The following GREB1 variants were observed in gnomAD, a reference collection of about 807,000 sequenced individuals.
The protein encoded by GREB1 is growth regulating estrogen receptor binding 1.
GREB1 carries 106 observed loss-of-function variants against 200.7 expected under a neutral mutation model. The observed-to-expected ratio is 0.53, with a 90% CI of 0.45 to 0.62. GREB1 has a LOEUF of 0.62. Ranked by LOEUF, GREB1 falls within the 20% of genes least tolerant of loss-of-function variation. The pLI is 0.00. For missense variants in GREB1, 2,243 were observed against 2,556.8 expected (o/e 0.88, Z 2.65); for synonymous variants, 1,132 against 1,092.4 (o/e 1.04, Z -0.72).
intron 1 of GREB1, among the ~76,000 whole-genome samples, chr2:11,490,627 C>G (rs1198369136): frequency 6.6e-6 from 1 of 152,216 alleles, no homozygotes; most frequent in East Asian, 1.9e-4. Context: ...CAGCTCACTG[C>G]AACCTCTGCC....
At chr2:11,569,696 A>C (rs1378263182) in intron 4 of GREB1, among the ~76,000 whole-genome samples, 1 of 152,250 alleles carries the variant, frequency 6.6e-6, no homozygotes, top group East Asian at 1.9e-4. Flanking sequence ...ATGAAGGCAC[A>C]GAGAGGCTAA....
At chr2:11,604,950 G>A (rs935859672) in intron 17 of GREB1, among the ~76,000 whole-genome samples, 1 of 152,010 alleles carries the variant, frequency 6.6e-6, no homozygotes, top group East Asian at 1.9e-4. Flanking sequence ...AACCTACTGT[G>A]ACTTAAAAAC....
chr2:11,618,739 G>T lies in GREB1; in HGVS notation c.3864G>T (p.Ser1288=). The stretch of plus-strand genomic sequence containing the variant: ...CCGCCTCCCTCCTGCCCTCCCCCTC[G>T]GTCATGTGGGCCAGCTCTTTCCGCC... ...PKAASLLPSP[S]VMWASSFRPL... is the part of the protein sequence containing the mutation. The change falls in exon 22 of 33, where the codon TCG becomes TCT. Residue 1288 remains serine, a synonymous_variant. Transcript: ENST00000381486. 6.2e-7 allele frequency: 1 copy of T among 1,613,292 alleles called. No individual in the cohort carries two copies. The highest frequency in any genetic ancestry group is 8.5e-7 in the Non-Finnish European group (1 of 1,179,770).
At chr2:11,577,866 C>T (rs183594572) in intron 5 of GREB1, among the ~76,000 whole-genome samples, 2 of 152,340 alleles carry the variant, frequency 1.3e-5, no homozygotes, top group Non-Finnish European at 2.9e-5. Context: ...ACCAGTTCAC[C>T]GTCTTTGATC....
chr2:11,540,943 G>T lies in GREB1; in HGVS notation c.-162+6689G>T, dbSNP rs1207532477. Among the ~76,000 whole-genome samples, 4 of 152,316 alleles carry T rather than the reference G, an allele frequency of 2.6e-5. No individual in the cohort carries two copies. In the East Asian group the frequency reaches 5.8e-4, roughly 22 times the overall value. Reference sequence around the variant, plus strand: ...GAGAGTGTTGCTTTTTTCAAGTCTTGTTTTCTCAAACTTTGGACTCACCAG... The same window carrying T: ...GAGAGTGTTGCTTTTTTCAAGTCTTTTTTTCTCAAACTTTGGACTCACCAG... On this transcript the variant is annotated intron_variant, in intron 1 of 32. Coordinates refer to ENST00000381486, the MANE Select transcript of GREB1 (RefSeq NM_014668.4).
chr2:11,612,702 A>G, intron 19 of GREB1, 92 bp downstream of exon 19: 1 of 769,068 alleles, frequency 1.3e-6, no homozygotes, highest in Non-Finnish European at 2.2e-6. Context: ...CTGTGCCCTG[A>G]CGGTAGGCAG....
chr2:11,520,087 G>A (rs1276309213), intron 1 of GREB1, among the ~76,000 whole-genome samples: 2 of 152,158 alleles, frequency 1.3e-5, no homozygotes, highest in African/African-American at 4.8e-5. Flanking sequence ...GCAGTGAGCC[G>A]TGATTGTACC....
At chr2:11,585,707 G>A (rs899817674) in intron 8 of GREB1, 55 bp from the exon 9 acceptor site, 1 of 1,602,336 alleles carries the variant, frequency 6.2e-7, no homozygotes, top group African/African-American at 1.3e-5. Context: ...TGTCAGGTAT[G>A]TGAGAGGTGG....
chr2:11,612,300 C>A (rs1683007740), intron 18 of GREB1, 195 bp from the exon 19 acceptor site: 2 of 1,312,780 alleles, frequency 1.5e-6, no homozygotes, highest in Admixed American at 6.5e-5. Context: ...TGGCTAATCT[C>A]CATGTTCTAG....
chr2:11,615,683 C>T (rs1057342270), intron 20 of GREB1, among the ~76,000 whole-genome samples: 1 of 152,152 alleles, frequency 6.6e-6, no homozygotes, highest in South Asian at 2.1e-4. Flanking sequence ...TGTTTATTTC[C>T]TCTGTGAATC....
Position 11,600,923 on chromosome 2 carries a change from G to A in GREB1, c.2457G>A (p.Pro819=), listed in dbSNP as rs532106359. The part of the protein sequence containing the change: ...NIVTLHVTSF[P]YALQTQHTLI... ...TGACACTTCACGTGACCTCCTTCCC[G>A]TATGCACTGCAGACACAGCACACCC... Residue 819 remains proline (P), a synonymous_variant, in exon 16 of 33, where the codon CCG becomes CCA. Coordinates refer to ENST00000381486, the MANE Select transcript of GREB1 (RefSeq NM_014668.4). The A allele has an allele frequency of 2.5e-5, 41 of 1,614,146 alleles. 1 individual carries two copies. The highest frequency in any genetic ancestry group is 2.1e-4 in the South Asian group (19 of 91,082).
intron 1 of GREB1, among the ~76,000 whole-genome samples, chr2:11,490,969 C>T (rs975650619): frequency 2.6e-5 from 4 of 152,172 alleles, no homozygotes; most frequent in African/African-American, 7.2e-5. Flanking sequence ...TTAGCTTCAC[C>T]ATTTTACGTG....
At chr2:11,602,374 G>A (rs767313269) in intron 16 of GREB1, 32 bp from the exon 17 acceptor site, 5 of 1,606,278 alleles carry the variant, frequency 3.1e-6, no homozygotes, top group Admixed American at 1.7e-5. Context: ...CGAATGCAGT[G>A]TTGGAGTGAC....
intron 3 of GREB1, among the ~76,000 whole-genome samples, chr2:11,564,840 C>G (rs1677456202): frequency 6.6e-6 from 1 of 152,216 alleles, no homozygotes; most frequent in South Asian, 2.1e-4. Context: ...ACCCACAGTT[C>G]CACGTGGCTG....
rs527612773 is a variant in GREB1, at chr2:11,589,070, G to A, written c.1345+139G>A. 7.4e-6 allele frequency: 5 copies of A among 679,600 alleles called. No individual in the cohort carries two copies. The East Asian group carries it at 8.2e-5, about 11-fold the overall frequency. 42.1% of individuals were successfully genotyped at this position (679,600 alleles called of 1,614,324 possible). ...GGAGAGCTTATGGCTTCACTGGCGGGACGTCATGAAGTCACTGTGGGCGTC... is the reference window on the plus strand; with the variant it reads ...GGAGAGCTTATGGCTTCACTGGCGGAACGTCATGAAGTCACTGTGGGCGTC... On this transcript the variant is annotated intron_variant, in intron 10 of 32. Transcript: ENST00000381486.
At chr2:11,543,755 G>C (rs1674976110) in intron 1 of GREB1, among the ~76,000 whole-genome samples, 1 of 152,188 alleles carries the variant, frequency 6.6e-6, no homozygotes, top group Non-Finnish European at 1.5e-5. Flanking sequence ...CTAGCTGGAT[G>C]TTGCAACTGG....
At chr2:11,567,416 C>T (rs538470826) in intron 4 of GREB1, among the ~76,000 whole-genome samples, 6 of 152,320 alleles carry the variant, frequency 3.9e-5, no homozygotes, top group South Asian at 2.1e-4. Context: ...TGAGCCACCA[C>T]GCCCAGCCAA....
At chr2:11,530,210 A>G (rs1363742530), upstream of GREB1, among the ~76,000 whole-genome samples, 12 of 151,886 alleles carry the variant, frequency 7.9e-5, no homozygotes, top group Non-Finnish European at 1.2e-4. Context: ...TACAGGTGCA[A>G]GCCACCACAC....
intron 1 of GREB1, among the ~76,000 whole-genome samples, chr2:11,551,309 A>C (rs1291658201): frequency 6.6e-6 from 1 of 152,224 alleles, no homozygotes; most frequent in African/African-American, 2.4e-5. Flanking sequence ...CCACGTAGAG[A>C]GTTTCCAAGC....
Sources: gnomAD v4.1 joint callset for allele counts (sites outside exome capture counted in the v4.1 genomes callset) on GRCh38, gnomAD v4.1.1 for gene constraint, MANE v1.5 for transcripts, NCBI Gene and HGNC (gene_info 2026-07-23, HGNC 2026-07-21) for gene names.